FAM193A: variants seen among roughly 807,000 people sequenced by gnomAD.
FAM193A encodes the protein family with sequence similarity 193 member A, also known as protein FAM193A.
A neutral mutation model predicts 126.5 loss-of-function variants in FAM193A; 22 were observed. The observed-to-expected ratio is 0.17, with a 90% CI of 0.12 to 0.25. The LOEUF is 0.25. Among genes scored for constraint, FAM193A ranks in the 10% least tolerant of loss-of-function variants. The pLI is 1.00. For missense variants in FAM193A, 1,675 were observed against 1,672.8 expected (o/e 1.00, Z -0.02); for synonymous variants, 761 against 646.8 (o/e 1.18, Z -2.68).
intron 2 of FAM193A, among the ~76,000 whole-genome samples, chr4:2,616,155 T>G (rs929497000): frequency 3.9e-5 from 6 of 152,206 alleles, no homozygotes; most frequent in African/African-American, 1.4e-4. Context: ...CTACTTTAGG[T>G]ATTTTGAGCT....
chr4:2,627,721 G>A (rs1743117200), intron 4 of FAM193A, among the ~76,000 whole-genome samples: 1 of 151,246 alleles, frequency 6.6e-6, no homozygotes, highest in African/African-American at 2.4e-5. Flanking sequence ...GGGATTACAG[G>A]CGCCTGCCAC....
At chr4:2,630,905 C>A (rs973020395) in intron 4 of FAM193A, 30 bp from the exon 5 acceptor site, 1 of 1,332,738 alleles carries the variant, frequency 7.5e-7, no homozygotes. Flanking sequence ...CCCTGGTGGG[C>A]AGGCCCTGGT....
intron 20 of FAM193A, among the ~76,000 whole-genome samples, chr4:2,719,204 G>A (rs1200379377): frequency 6.6e-6 from 1 of 152,124 alleles, no homozygotes; most frequent in Non-Finnish European, 1.5e-5. Flanking sequence ...ATATTCTCCA[G>A]GAGGCTGAGG....
At chr4:2,656,515 T>G in intron 7 of FAM193A, among the ~76,000 whole-genome samples, 1 of 152,212 alleles carries the variant, frequency 6.6e-6, no homozygotes, top group East Asian at 1.9e-4. Context: ...CCAGCGTTCC[T>G]GTGGTGCTCA....
intron 2 of FAM193A, among the ~76,000 whole-genome samples, chr4:2,609,453 A>G (rs1049485054): frequency 6.6e-6 from 1 of 152,082 alleles, no homozygotes; most frequent in Non-Finnish European, 1.5e-5. Context: ...TCTGTTTTCA[A>G]GGCTGTTTTA....
intron 19 of FAM193A, among the ~76,000 whole-genome samples, chr4:2,701,886 C>T (rs559689028): frequency 6.6e-6 from 1 of 151,964 alleles, no homozygotes; most frequent in African/African-American, 2.4e-5. Context: ...AAGCGATTCT[C>T]CTGCCTCAGC....
Position 2,693,864 on chromosome 4 carries a change from A to G in FAM193A, c.3082A>G (p.Ser1028Gly), listed in dbSNP as rs772580373. 8 of 1,613,236 alleles carry G rather than the reference A, an allele frequency of 5.0e-6. No individual in the cohort carries two copies. The highest frequency in any genetic ancestry group is 1.3e-5 in the African/African-American group (1 of 74,912). ...AGATGGCTCCATTAGCGCCCCTCCA[A>G]GTGTCTGCAGGTGAGCCAAGTCCTG... ...ATDGSISAPPSVCSDPDCEGH... is the reference protein window; with the variant it reads ...ATDGSISAPPGVCSDPDCEGH... The change falls in exon 16 of 21, where the codon AGT becomes GGT. Residue 1028 changes from serine to glycine, a missense_variant. By Grantham distance (56) the Ser-to-Gly change is moderately conservative. Around this residue, in one of 4 missense-constraint regions of FAM193A, gnomAD observed 1,186 missense variants for 1,109.2 expected, o/e 1.07. Coordinates refer to ENST00000637812, the MANE Select transcript of FAM193A (RefSeq NM_001366318.2).
intron 7 of FAM193A, among the ~76,000 whole-genome samples, chr4:2,653,469 G>A (rs1486421487): frequency 2.6e-5 from 4 of 151,968 alleles, no homozygotes; most frequent in African/African-American, 9.7e-5. Context: ...TTTTTAGACA[G>A]AGTCTCTCTC....
At chr4:2,726,044 G>A (rs1263131110) in intron 20 of FAM193A, among the ~76,000 whole-genome samples, 1 of 152,058 alleles carries the variant, frequency 6.6e-6, no homozygotes, top group South Asian at 2.1e-4. Context: ...GACTACAGGC[G>A]CCCGCCACCA....
chr4:2,572,872 C>G (rs1313773594), intron 1 of FAM193A, among the ~76,000 whole-genome samples: 2 of 150,504 alleles, frequency 1.3e-5, no homozygotes, highest in Non-Finnish European at 2.9e-5. Context: ...TTCTGTAATC[C>G]AGGTGAGAGG....
At chr4:2,624,038 C>T (rs1381198680) in intron 2 of FAM193A, among the ~76,000 whole-genome samples, 7 of 152,086 alleles carry the variant, frequency 4.6e-5, no homozygotes, top group Non-Finnish European at 8.8e-5. Flanking sequence ...CTTCTCAGGG[C>T]CTCTTCTAGA....
At chr4:2,565,407 C>T (rs767779873) in intron 1 of FAM193A, among the ~76,000 whole-genome samples, 3 of 151,974 alleles carry the variant, frequency 2.0e-5, no homozygotes, top group Non-Finnish European at 2.9e-5. Flanking sequence ...CTACAGGCGT[C>T]CACCACCACC....
At chr4:2,565,346 G>T (rs868809285) in intron 1 of FAM193A, among the ~76,000 whole-genome samples, 22 of 133,018 alleles carry the variant, frequency 1.7e-4, no homozygotes, top group African/African-American at 5.7e-4. Context: ...TACATCCTCT[G>T]CCTCCCAGGT....
intron 1 of FAM193A, among the ~76,000 whole-genome samples, chr4:2,537,450 G>A (rs964164249): frequency 6.6e-6 from 1 of 152,210 alleles, no homozygotes; most frequent in Non-Finnish European, 1.5e-5. Flanking sequence ...ACGGCGACGG[G>A]CTGGTCCGCA....
intron 1 of FAM193A, among the ~76,000 whole-genome samples, chr4:2,563,949 G>A (rs75142485): frequency 0.028 from 4,327 of 152,216 alleles, 221 homozygotes; most frequent in African/African-American, 0.098. Flanking sequence ...ATTGTATTAA[G>A]CTCAGAGAAA....
At chr4:2,562,433 A>G (rs1260878289) in intron 1 of FAM193A, among the ~76,000 whole-genome samples, 1 of 152,170 alleles carries the variant, frequency 6.6e-6, no homozygotes, top group Non-Finnish European at 1.5e-5. Context: ...ATGGTGGCAA[A>G]GCGAGACCCT....
chr4:2,581,998 G>C (rs925639745), intron 1 of FAM193A, among the ~76,000 whole-genome samples: 10 of 152,128 alleles, frequency 6.6e-5, no homozygotes, highest in African/African-American at 2.2e-4. Flanking sequence ...TATGGAAGTC[G>C]TAGTTAAAAG....
intron 1 of FAM193A, among the ~76,000 whole-genome samples, chr4:2,557,127 A>G (rs1307364129): frequency 6.6e-6 from 1 of 152,196 alleles, no homozygotes; most frequent in East Asian, 1.9e-4. Context: ...TAAATTAGGC[A>G]CAGTGAGAGA....
chr4:2,671,908 G>T (rs1713842130), intron 12 of FAM193A, among the ~76,000 whole-genome samples: 1 of 152,156 alleles, frequency 6.6e-6, no homozygotes, highest in African/African-American at 2.4e-5. Context: ...TGTGGAATGA[G>T]GTACACCTTT....
Sources: allele counts gnomAD v4.1 joint callset (sites outside exome capture counted in the v4.1 genomes callset), GRCh38; gene constraint gnomAD v4.1.1; regional missense constraint gnomAD v4.1.1; transcripts MANE v1.5; gene names NCBI Gene and HGNC (gene_info 2026-07-23, HGNC 2026-07-21).